Variants in GOLIM4 observed in about 807,000 individuals in gnomAD.
GOLIM4 encodes 130 kDa golgi-localized phosphoprotein.
A neutral mutation model predicts 107.4 loss-of-function variants in GOLIM4; 71 were observed. That is an observed-to-expected ratio of 0.66 (90% confidence interval 0.55 to 0.81). The LOEUF (loss-of-function observed/expected upper bound fraction) is 0.81. Among genes scored for constraint, GOLIM4 ranks in the 30% least tolerant of loss-of-function variants. The probability of loss-of-function intolerance (pLI) is 0.00; values close to 1 mark genes in which losing one functional copy is unlikely to be tolerated. For missense variants in GOLIM4, 830 were observed against 826.1 expected (o/e 1.00, Z -0.06); for synonymous variants, 327 against 294.8 (o/e 1.11, Z -1.12).
intron 1 of GOLIM4, among the ~76,000 whole-genome samples, chr3:168,088,111 G>T (rs1721716804): frequency 6.6e-6 from 1 of 152,006 alleles, no homozygotes; most frequent in African/African-American, 2.4e-5. Flanking sequence ...AATGATAAAA[G>T]AAGAACCATT....
At chr3:168,091,116 T>C (rs75384231) in intron 1 of GOLIM4, among the ~76,000 whole-genome samples, 2,076 of 152,308 alleles carry the variant, frequency 0.014, 50 homozygotes, top group African/African-American at 0.046. Flanking sequence ...ACTCAATATA[T>C]GCATGTGAGA....
intron 1 of GOLIM4, among the ~76,000 whole-genome samples, chr3:168,072,661 T>C (rs907983822): frequency 1.3e-5 from 2 of 151,874 alleles, no homozygotes; most frequent in African/African-American, 4.8e-5. Flanking sequence ...TTGGAGGGGG[T>C]GGGTGTCTTT....
intron 1 of GOLIM4, among the ~76,000 whole-genome samples, chr3:168,051,726 A>G (rs556281154): frequency 2.6e-5 from 4 of 152,342 alleles, no homozygotes; most frequent in African/African-American, 9.6e-5. Context: ...TTATAACAGC[A>G]GCTTCTAATC....
At chr3:168,066,254 A>G (rs1720540192) in intron 1 of GOLIM4, among the ~76,000 whole-genome samples, 5 of 152,178 alleles carry the variant, frequency 3.3e-5, no homozygotes, top group Admixed American at 2.6e-4. Flanking sequence ...AAGTAGGTGA[A>G]AACAGGAAGT....
intron 1 of GOLIM4, among the ~76,000 whole-genome samples, chr3:168,060,421 T>C (rs1046668727): frequency 3.9e-5 from 6 of 152,168 alleles, no homozygotes; most frequent in African/African-American, 1.4e-4. Context: ...ATACTCAAGA[T>C]CAAACTACTG....
Position 168,010,125 on chromosome 3 carries a change from T to C in GOLIM4, c.*144A>G. 2 of 602,368 alleles carry C rather than the reference T, an allele frequency of 3.3e-6. No homozygotes were observed. The highest frequency in any genetic ancestry group is 2.8e-5 in the East Asian group (1 of 35,158). 37.3% of individuals were successfully genotyped at this position (602,368 alleles called of 1,614,324 possible). On this transcript the variant is annotated 3_prime_UTR_variant, in exon 16 of 16. Transcript: ENST00000470487. ...ATCAAAATATATTCATATAAATGTA[T>C]GCGCATTTCTAATACAAAAGTTTTA...
At position 168,095,319 on chromosome 3, in the gene GOLIM4, C is replaced by T; in HGVS notation, c.-34G>A. 6.3e-7 allele frequency: 1 copy of T among 1,589,174 alleles called. No homozygotes were observed. Among genetic ancestry groups the T allele is most frequent in the African/African-American group, 1.3e-5 (1 of 74,340 alleles). On this transcript the variant is annotated 5_prime_UTR_variant, in exon 1 of 16. Transcript: ENST00000470487. ...CTGGACCCAAAGCCGCGGCCGCCCC[C>T]GCCGTCTCCTCCCCTTGGTCCGAGC... is the stretch of plus-strand genomic sequence containing the variant.
chr3:168,065,862 G>C lies in GOLIM4; in HGVS notation c.188-17497C>G, dbSNP rs149478665. 1.3e-3 allele frequency among the ~76,000 whole-genome samples: 195 copies of C among 152,286 alleles called. 1 individual carries two copies. In the East Asian group the frequency reaches 0.014, roughly 11 times the overall value. ...AGAGATCTGGTTTAATTTTTAATCT[G>C]AAAAGTATTTCATAACTAATATTTC... On this transcript the variant is annotated intron_variant, in intron 1 of 15. Transcript: ENST00000470487.
intron 1 of GOLIM4, among the ~76,000 whole-genome samples, chr3:168,092,385 C>T (rs1721957860): frequency 6.6e-6 from 1 of 152,148 alleles, no homozygotes; most frequent in Non-Finnish European, 1.5e-5. Flanking sequence ...GCCATCCCCA[C>T]CATCTTCTAG....
chr3:168,030,103 T>G, intron 9 of GOLIM4, 67 bp from the exon 10 acceptor site: 1 of 1,503,202 alleles, frequency 6.7e-7, no homozygotes, highest in Non-Finnish European at 9.1e-7. Flanking sequence ...CTTCATTTGT[T>G]TCTCCTGACA....
chr3:168,046,082 G>T (rs758857151), intron 3 of GOLIM4, among the ~76,000 whole-genome samples: 1 of 151,994 alleles, frequency 6.6e-6, no homozygotes, highest in East Asian at 1.9e-4. Context: ...TATTTTGCAC[G>T]GGCTGGTCTC....
At chr3:168,036,372 C>T (rs1014357958) in intron 8 of GOLIM4, among the ~76,000 whole-genome samples, 11 of 152,198 alleles carry the variant, frequency 7.2e-5, no homozygotes, top group African/African-American at 1.7e-4. Context: ...GAAACCCTGT[C>T]TCTACTGAAA....
At chr3:168,057,044 G>T (rs1021443901) in intron 1 of GOLIM4, among the ~76,000 whole-genome samples, 2 of 152,124 alleles carry the variant, frequency 1.3e-5, no homozygotes, top group African/African-American at 4.8e-5. Flanking sequence ...TATGTTGAGG[G>T]GGGGACCCGG....
intron 1 of GOLIM4, among the ~76,000 whole-genome samples, chr3:168,071,563 CAAGG>C (rs1054811606): frequency 6.6e-6 from 1 of 151,012 alleles, no homozygotes; most frequent in Non-Finnish European, 1.5e-5. Flanking sequence ...CCAGGAAAAG[CAAGG>C]AAACATGGCA....
intron 1 of GOLIM4, among the ~76,000 whole-genome samples, chr3:168,049,332 A>G (rs1307653337): frequency 1.3e-5 from 2 of 152,222 alleles, no homozygotes; most frequent in Admixed American, 1.3e-4. Flanking sequence ...GTGTTTATGA[A>G]TACAAGTTTT....
At chr3:168,051,355 C>A (rs1719635245) in intron 1 of GOLIM4, among the ~76,000 whole-genome samples, 1 of 152,116 alleles carries the variant, frequency 6.6e-6, no homozygotes, top group Admixed American at 6.5e-5. Context: ...TTTGACAGTT[C>A]CACACTAAAT....
chr3:168,025,122 A>G, intron 12 of GOLIM4, 27 bp from the exon 13 acceptor site: 2 of 1,573,632 alleles, frequency 1.3e-6, no homozygotes, highest in Non-Finnish European at 1.7e-6. Flanking sequence ...AAAAGCAACT[A>G]TCACTTCAAA....
intron 1 of GOLIM4, among the ~76,000 whole-genome samples, chr3:168,063,117 C>A (rs1250085638): frequency 6.6e-6 from 1 of 152,184 alleles, no homozygotes; most frequent in Non-Finnish European, 1.5e-5. Flanking sequence ...TGCCCACCCA[C>A]CACTGCCACC....
intron 1 of GOLIM4, among the ~76,000 whole-genome samples, chr3:168,076,714 CAAT>C (rs1721102604): frequency 2.6e-5 from 4 of 151,688 alleles, no homozygotes; most frequent in Non-Finnish European, 5.9e-5. Context: ...ATCAATCAAT[CAAT>C]AAAATGGTTA....
Sources: allele counts gnomAD v4.1 joint callset (sites outside exome capture counted in the v4.1 genomes callset), GRCh38; gene constraint gnomAD v4.1.1; transcripts MANE v1.5; gene names NCBI Gene and HGNC (gene_info 2026-07-23, HGNC 2026-07-21).